Variants in BDH1 observed in about 807,000 individuals in gnomAD.
BDH1 encodes the protein 3-hydroxybutyrate dehydrogenase 1.
In BDH1, 30 loss-of-function variants were observed where a neutral mutation model predicts 33.1. The observed-to-expected ratio is 0.91, with a 90% CI of 0.68 to 1.23. The LOEUF is 1.23. Ranked by LOEUF, BDH1 falls within the 50% of genes most tolerant of loss-of-function variation. The pLI, the probability that BDH1 is intolerant of heterozygous loss-of-function variation, is 0.00. For missense variants in BDH1, 443 were observed against 464.4 expected, an observed-to-expected ratio of 0.95 and a Z score of 0.42; for synonymous variants, 190 against 183.6, an observed-to-expected ratio of 1.03 and a Z score of -0.28.
At chr3:197,535,990 G>A (rs1402863203) in intron 3 of BDH1, among the ~76,000 whole-genome samples, 1 of 151,962 alleles carries the variant, frequency 6.6e-6, no homozygotes, top group Admixed American at 6.5e-5. Context: ...AGGTTGCAAT[G>A]AGCTGAGATT....
chr3:197,520,578 G>A lies in BDH1; in HGVS notation c.409+2062C>T, dbSNP rs558317216. Among the ~76,000 whole-genome samples, 9 of 152,262 alleles carry A rather than the reference G, an allele frequency of 5.9e-5. No individual in the cohort carries two copies. The highest frequency in any genetic ancestry group is 8.8e-5 in the Non-Finnish European group (6 of 68,016). Reference sequence around the variant, plus strand: ...CGAGGACCGCCAGCCTGAGCAAGCCGGCCTGGTGCGTTCTCTGCTTGGGTC... The same window carrying A: ...CGAGGACCGCCAGCCTGAGCAAGCCAGCCTGGTGCGTTCTCTGCTTGGGTC... On this transcript the variant is annotated intron_variant, in intron 6 of 7. Transcript: ENST00000392379. This position sits in a 1 kb window ranked among gnomAD's most constrained non-coding sequence, Gnocchi z 6.0.
Position 197,510,673 on chromosome 3 carries a change from C to CGTGTGTGTGTGTGT in BDH1, c.*1221_*1222insACACACACACACAC, listed in dbSNP as rs1711888357. On this transcript the variant is annotated 3_prime_UTR_variant, in exon 8 of 8. Transcript: ENST00000392379. Reference sequence around the variant, plus strand: ...GTGTGTGTGTGTGTGTGTGTGTGTACATGTGTGTAAGGTGTGTGTGTGTGT... The same window carrying CGTGTGTGTGTGTGT: ...GTGTGTGTGTGTGTGTGTGTGTGTACGTGTGTGTGTGTGTATGTGTGTAAGGTGTGTGTGTGTGT... The CGTGTGTGTGTGTGT allele has an allele frequency of 2.5e-5, 1 of 40,044 alleles. No homozygotes were observed. The highest frequency in any genetic ancestry group is 7.4e-5 in the African/African-American group (1 of 13,550). The allele number at this position is 40,044 out of a possible 1,614,324, so 2.5% of individuals were successfully genotyped here.
At chr3:197,539,956 C>T (rs567325298) in intron 3 of BDH1, among the ~76,000 whole-genome samples, 4 of 152,330 alleles carry the variant, frequency 2.6e-5, no homozygotes, top group South Asian at 4.1e-4. Flanking sequence ...CTTGATAAAC[C>T]GGTTCTGTCT....
intron 3 of BDH1, among the ~76,000 whole-genome samples, chr3:197,543,570 G>A (rs1715838588): frequency 6.6e-6 from 1 of 152,252 alleles, no homozygotes; most frequent in African/African-American, 2.4e-5. Context: ...AAGCACAGCA[G>A]GTTGTCAAGT....
upstream of BDH1, among the ~76,000 whole-genome samples, chr3:197,558,566 T>C (rs2108771683): frequency 6.6e-6 from 1 of 152,354 alleles, no homozygotes; most frequent in East Asian, 1.9e-4. Flanking sequence ...TGGGATTTTG[T>C]TATGTAGCTT....
chr3:197,514,300 T>A lies in BDH1; in HGVS notation c.526A>T (p.Thr176Ser). ...EVNLWGTVRM[T>S]KSFLPLIRRA... ...CGGATGAGGGGGAGAAAGGATTTCG[T>A]CATCCGCACTGTGCCCCAAAGGTTC... is the stretch of plus-strand genomic sequence containing the variant. Residue 176 changes from threonine to serine, a missense_variant, in exon 7 of 8, where the codon ACG becomes TCG. Coordinates refer to ENST00000392379, the MANE Select transcript of BDH1 (RefSeq NM_203314.3). This position sits in a 1 kb window ranked among gnomAD's most constrained non-coding sequence, Gnocchi z 4.2. 6.2e-7 allele frequency: 1 copy of A among 1,613,822 alleles called. No individual in the cohort carries two copies. Among genetic ancestry groups the A allele is most frequent in the Non-Finnish European group, 8.5e-7 (1 of 1,179,806 alleles).
Position 197,571,405 on chromosome 3 carries a change from G to T in BDH1, c.-44+1776C>A, listed in dbSNP as rs534912105. ...AAGGGGCCAGGAGTGGAATGATATG[G>T]TTTGACTCTGTCCCCACCCAAATCT... On this transcript the variant is annotated intron_variant, in intron 1 of 6. Transcript: ENST00000358186. Among the ~76,000 whole-genome samples, 4 of 152,262 alleles carry T rather than the reference G, an allele frequency of 2.6e-5. No individual in the cohort carries two copies. In the South Asian group the frequency reaches 8.3e-4, roughly 32 times the overall value.
Position 197,522,993 on chromosome 3 carries a change from C to T in BDH1, c.268-212G>A. 1 of 564,248 alleles carries T rather than the reference C, an allele frequency of 1.8e-6. No homozygotes were observed. The highest frequency in any genetic ancestry group is 2.5e-5 in the South Asian group (1 of 39,498). 35.0% of individuals were successfully genotyped at this position (564,248 alleles called of 1,614,324 possible). On this transcript the variant is annotated intron_variant, in intron 5 of 7. Coordinates refer to ENST00000392379, the MANE Select transcript of BDH1 (RefSeq NM_203314.3). The surrounding 1 kb of genome is among the most constrained non-coding windows in gnomAD (Gnocchi z 4.8). The stretch of plus-strand genomic sequence containing the variant: ...AGCATCAAGCTATGTGCCACAGACA[C>T]AACCATGAATAGGATGAAGAGCCGG...
upstream of BDH1, among the ~76,000 whole-genome samples, chr3:197,559,559 G>C (rs115048362): frequency 0.036 from 5,477 of 152,264 alleles, 309 homozygotes; most frequent in African/African-American, 0.12. Context: ...ACAAGTCCTT[G>C]CTCAGGCTCT....
intron 1 of BDH1, among the ~76,000 whole-genome samples, chr3:197,564,504 C>A (rs1717370282): frequency 6.6e-6 from 1 of 151,846 alleles, no homozygotes; most frequent in Admixed American, 6.6e-5. Flanking sequence ...AAAAAGATAC[C>A]AAGTCCTGCT....
Position 197,516,190 on chromosome 3 carries a change from G to A in BDH1, c.410-1774C>T, listed in dbSNP as rs1364777105. ...CCCCCAGATACAAGTGGCCCCCAAT[G>A]TCCTGGCCTAATCCTGCTCCTCTCA... On this transcript the variant is annotated intron_variant, in intron 6 of 7. Coordinates refer to ENST00000392379, the MANE Select transcript of BDH1 (RefSeq NM_203314.3). The surrounding 1 kb of genome is among the most constrained non-coding windows in gnomAD (Gnocchi z 4.2). Among the ~76,000 whole-genome samples the A allele has an allele frequency of 6.6e-6, 1 of 152,106 alleles. No homozygotes were observed.
intron 7 of BDH1, 78 bp from the exon 8 acceptor site, chr3:197,512,442 G>C: frequency 1.4e-6 from 2 of 1,464,968 alleles, no homozygotes; most frequent in South Asian, 1.3e-5. Context: ...CATGTCTCTA[G>C]AGGCTTGGCT....
chr3:197,528,659 AC>A lies in BDH1; in HGVS notation c.267+3752del, dbSNP rs909227028. The A allele has an allele frequency of 6.6e-5, 10 of 152,226 alleles. No individual in the cohort carries two copies. The highest frequency in any genetic ancestry group is 5.9e-4 in the Admixed American group (9 of 15,282). 9.4% of individuals were successfully genotyped at this position (152,226 alleles called of 1,614,324 possible). A position where few individuals can be genotyped will look rare whatever the true frequency, so the allele number is the denominator to read the frequency against. On this transcript the variant is annotated intron_variant, in intron 5 of 7. Coordinates refer to ENST00000392379, the MANE Select transcript of BDH1 (RefSeq NM_203314.3). The surrounding 1 kb of genome is among the most constrained non-coding windows in gnomAD (Gnocchi z 5.1). Reference sequence around the variant, plus strand: ...AGATGGAATGGGTCAAGAGGTAGATACCAACAGATATAACCTGCCAATGAGC... The same window carrying A: ...AGATGGAATGGGTCAAGAGGTAGATACAACAGATATAACCTGCCAATGAGC...
chr3:197,522,983 G>A lies in BDH1; in HGVS notation c.268-202C>T. The A allele has an allele frequency of 1.7e-6, 1 of 577,442 alleles. No individual in the cohort carries two copies. The highest frequency in any genetic ancestry group is 3.0e-6 in the Non-Finnish European group (1 of 331,712). 35.8% of individuals were successfully genotyped at this position (577,442 alleles called of 1,614,324 possible). On this transcript the variant is annotated intron_variant, in intron 5 of 7. Coordinates refer to ENST00000392379, the MANE Select transcript of BDH1 (RefSeq NM_203314.3). This position sits in a 1 kb window ranked among gnomAD's most constrained non-coding sequence, Gnocchi z 4.8. Reference sequence around the variant, plus strand: ...TGACCTATCAAGCATCAAGCTATGTGCCACAGACACAACCATGAATAGGAT... The same window carrying A: ...TGACCTATCAAGCATCAAGCTATGTACCACAGACACAACCATGAATAGGAT...
chr3:197,537,765 A>G (rs138072840), intron 3 of BDH1, among the ~76,000 whole-genome samples: 430 of 152,356 alleles, frequency 2.8e-3, no homozygotes, highest in Non-Finnish European at 4.6e-3. Context: ...GATAGAGAGC[A>G]TCATGTAAGT....
intron 3 of BDH1, among the ~76,000 whole-genome samples, chr3:197,535,866 G>A (rs548358184): frequency 4.6e-5 from 7 of 152,064 alleles, no homozygotes; most frequent in Admixed American, 1.3e-4. Flanking sequence ...GCAACATGGC[G>A]AAACCCCATC....
At chr3:197,549,869 TAA>T (rs149448362) in intron 2 of BDH1, among the ~76,000 whole-genome samples, 38,468 of 152,018 alleles carry the variant, frequency 0.25, 5,154 homozygotes, top group African/African-American at 0.32. Context: ...CTTACTATGT[TAA>T]AACTATCCAT....
In BDH1 at chr3:197,512,364, C is replaced by G. The variant is rs1712164461; in HGVS notation, c.563G>C (p.Gly188Ala). Residue 188 changes from glycine to alanine, a missense_variant and splice_region_variant, in exon 8 of 8, where the codon GGC becomes GCC. Coordinates refer to ENST00000392379, the MANE Select transcript of BDH1 (RefSeq NM_203314.3). ...SFLPLIRRAKGRVVNISSMLG... is the reference protein window; with the variant it reads ...SFLPLIRRAKARVVNISSMLG... ...CATGCTGCTGATATTGACGACGCGG[C>G]CTACAGAGGGAGACAGAGGTACCTG... 10 of 1,600,606 alleles carry G rather than the reference C, an allele frequency of 6.2e-6. No homozygotes were observed. Among genetic ancestry groups the G allele is most frequent in the Non-Finnish European group, 8.5e-6 (10 of 1,176,532 alleles).
intron 5 of BDH1, among the ~76,000 whole-genome samples, chr3:197,524,701 G>T (rs1483012417): frequency 1.3e-5 from 2 of 151,604 alleles, no homozygotes; most frequent in Non-Finnish European, 2.9e-5. Flanking sequence ...TTGAGGCAAT[G>T]AGTTGGGGTG....
Sources: allele counts gnomAD v4.1 joint callset (sites outside exome capture counted in the v4.1 genomes callset), GRCh38; gene constraint gnomAD v4.1.1; non-coding constraint Gnocchi (gnomAD v3.1); transcripts MANE v1.5; gene names NCBI Gene and HGNC (gene_info 2026-07-23, HGNC 2026-07-21).